CDCA7: variants seen among roughly 807,000 people sequenced by gnomAD.
CDCA7 encodes cell division cycle associated 7.
In CDCA7, 28 loss-of-function variants were observed where a neutral mutation model predicts 54.0. The observed-to-expected ratio is 0.52, with a 90% CI of 0.38 to 0.71. The LOEUF is 0.71. CDCA7 is among the 30% of genes least tolerant of loss of function. CDCA7 has a pLI of 0.00. For synonymous variants in CDCA7, 180 were observed against 208.2 expected, an observed-to-expected ratio of 0.86 and a Z score of 1.16; for missense variants, 484 against 586.0, an observed-to-expected ratio of 0.83 and a Z score of 1.80.
At chr2:173,357,929 G>C (rs772838381) in intron 1 of CDCA7, among the ~76,000 whole-genome samples, 1 of 152,120 alleles carries the variant, frequency 6.6e-6, no homozygotes, top group Admixed American at 6.5e-5. Context: ...GGCCGGGCGC[G>C]GTGGCTCACG....
rs1011903616 is a variant in CDCA7, at chr2:173,365,744, A to G, written c.1035+152A>G. On this transcript the variant is annotated intron_variant, in intron 7 of 9. Transcript: ENST00000306721. ...CACAAGGAAGGAAAAGTTTTACAGT[A>G]TCCCTGGGATTTAGCCCTCTTTCAC... 2.0e-5 allele frequency: 17 copies of G among 836,624 alleles called. No individual in the cohort carries two copies. The African/African-American group carries it at 2.6e-4, about 13-fold the overall frequency. 51.8% of individuals were successfully genotyped at this position (836,624 alleles called of 1,614,324 possible). A position where few individuals can be genotyped will look rare whatever the true frequency, so the allele number is the denominator to read the frequency against.
chr2:173,358,877 T>C (rs1453080421), intron 2 of CDCA7, 40 bp downstream of exon 2: 1 of 1,586,716 alleles, frequency 6.3e-7, no homozygotes, highest in African/African-American at 1.4e-5. Flanking sequence ...GAGTCTGCAG[T>C]GCTCAAAATG....
Position 173,368,983 on chromosome 2 carries a change from A to G in CDCA7, c.*1319A>G, listed in dbSNP as rs1185802827. 1.3e-5 allele frequency: 2 copies of G among 152,160 alleles called. No individual in the cohort carries two copies. The highest frequency in any genetic ancestry group is 2.9e-5 in the Non-Finnish European group (2 of 68,034). 9.4% of individuals were successfully genotyped at this position (152,160 alleles called of 1,614,324 possible). A position where few individuals can be genotyped will look rare whatever the true frequency, so the allele number is the denominator to read the frequency against. ...CATATTTAAATAAAAGGCCATTTCC[A>G]CCTTTTCTAAAAAAGTCTCCCTTTT... On this transcript the variant is annotated 3_prime_UTR_variant, in exon 10 of 10. Coordinates refer to ENST00000306721, the MANE Select transcript of CDCA7 (RefSeq NM_031942.5).
In CDCA7 at chr2:173,364,778, A is replaced by G. The variant is rs772539390; in HGVS notation, c.700-17A>G. 3 of 1,588,054 alleles carry G rather than the reference A, an allele frequency of 1.9e-6. No individual in the cohort carries two copies. Among genetic ancestry groups the G allele is most frequent in the Non-Finnish European group, 1.7e-6 (2 of 1,172,714 alleles). On this transcript the variant is annotated splice_polypyrimidine_tract_variant and intron_variant, in intron 5 of 9. Transcript: ENST00000306721. Reference sequence around the variant, plus strand: ...TATTATGGAATAAATGGATTCCCTTATACGTGCTTTGTTTAGCAATCAAGG... The same window carrying G: ...TATTATGGAATAAATGGATTCCCTTGTACGTGCTTTGTTTAGCAATCAAGG...
At position 173,364,855 on chromosome 2, in the gene CDCA7, C is replaced by T. The variant is rs145479884; in HGVS notation, c.760C>T (p.Arg254Trp). ...PGVASRRNPE[R>W]RARPLTRSRS... ...TGTTGCTTCCAGGAGAAACCCTGAA[C>T]GGAGAGCTCGTCCTCTTACCAGGTC... The change falls in exon 6 of 10, where the codon CGG becomes TGG. Residue 254 changes from arginine (R) to tryptophan (W), a missense_variant. Arg to Trp is a moderately radical substitution (Grantham distance 101). Transcript: ENST00000306721. 1.4e-5 allele frequency: 22 copies of T among 1,611,320 alleles called. No individual in the cohort carries two copies. The highest frequency in any genetic ancestry group is 3.3e-4 in the Middle Eastern group (2 of 6,052).
chr2:173,362,733 C>T (rs1416189046), intron 3 of CDCA7, among the ~76,000 whole-genome samples: 1 of 122,288 alleles, frequency 8.2e-6, no homozygotes, highest in Non-Finnish European at 1.7e-5. Context: ...CGCCACCATG[C>T]CCAGCTAATT....
At chr2:173,363,158 G>C in intron 3 of CDCA7, 68 bp from the exon 4 acceptor site, 1 of 1,449,220 alleles carries the variant, frequency 6.9e-7, no homozygotes, top group East Asian at 2.3e-5. Flanking sequence ...ATTGAAAAGG[G>C]ACTTTGTAGT....
intron 1 of CDCA7, among the ~76,000 whole-genome samples, chr2:173,356,806 A>G (rs1365225901): frequency 6.6e-6 from 1 of 152,142 alleles, no homozygotes; most frequent in African/African-American, 2.4e-5. Context: ...CCCTACACAT[A>G]CACCTAACCT....
intron 3 of CDCA7, among the ~76,000 whole-genome samples, chr2:173,363,020 A>G (rs534808946): frequency 3.9e-5 from 6 of 152,366 alleles, no homozygotes; most frequent in African/African-American, 1.2e-4. Context: ...AAAATAGCTT[A>G]TAACAGTGTG....
chr2:173,361,811 T>A (rs1008968588), intron 3 of CDCA7, among the ~76,000 whole-genome samples: 4 of 152,042 alleles, frequency 2.6e-5, no homozygotes, highest in Admixed American at 1.3e-4. Flanking sequence ...TGTTTTTTTT[T>A]ATTTTTATTT....
Position 173,367,488 on chromosome 2 carries a change from T to G in CDCA7, c.1323-146T>G, listed in dbSNP as rs913785505. 10 of 1,271,712 alleles carry G rather than the reference T, an allele frequency of 7.9e-6. No homozygotes were observed. The African/African-American group carries it at 1.3e-4, about 17-fold the overall frequency. 78.8% of individuals were successfully genotyped at this position (1,271,712 alleles called of 1,614,324 possible). A position where few individuals can be genotyped will look rare whatever the true frequency, so the allele number is the denominator to read the frequency against. On this transcript the variant is annotated intron_variant, in intron 9 of 9. Transcript: ENST00000306721. ...GGGTGGGTGGGTGTGTATGAAAAAG[T>G]CAGGTAATATACTTGAAGATGCGCA...
intron 1 of CDCA7, among the ~76,000 whole-genome samples, chr2:173,357,452 G>C (rs148474810): frequency 6.6e-6 from 1 of 152,294 alleles, no homozygotes; most frequent in Non-Finnish European, 1.5e-5. Context: ...TTGGCTCCTT[G>C]TACCATTTGT....
intron 3 of CDCA7, among the ~76,000 whole-genome samples, chr2:173,362,435 G>A (rs1241396851): frequency 6.6e-6 from 1 of 151,974 alleles, no homozygotes; most frequent in Non-Finnish European, 1.5e-5. Context: ...CCATTGACTT[G>A]TATACTTAGA....
chr2:173,365,359 CTG>C (rs1686700399), intron 6 of CDCA7, 91 bp from the exon 7 acceptor site: 7 of 1,389,066 alleles, frequency 5.0e-6, no homozygotes, highest in Middle Eastern at 1.9e-4. Context: ...TTTTGAATCT[CTG>C]TGTTTCATAT....
In CDCA7 at chr2:173,366,261, T is replaced by TC; in HGVS notation, c.1036-22_1036-21insC. The TC allele has an allele frequency of 6.3e-7, 1 of 1,582,042 alleles. No homozygotes were observed. The highest frequency in any genetic ancestry group is 8.6e-7 in the Non-Finnish European group (1 of 1,166,504). Reference sequence around the variant, plus strand: ...AAAAACAGTGGTTTTTTTTGTTTTTTTTCTTAATGGCTTATTTGTAGGGCT... The same window carrying TC: ...AAAAACAGTGGTTTTTTTTGTTTTTTCTTCTTAATGGCTTATTTGTAGGGCT... On this transcript the variant is annotated intron_variant, in intron 7 of 9. Coordinates refer to ENST00000306721, the MANE Select transcript of CDCA7 (RefSeq NM_031942.5). This position sits in a 1 kb window ranked among gnomAD's most constrained non-coding sequence, Gnocchi z 4.5.
intron 1 of CDCA7, among the ~76,000 whole-genome samples, chr2:173,357,594 A>G (rs1357956420): frequency 6.6e-6 from 1 of 152,204 alleles, no homozygotes; most frequent in Non-Finnish European, 1.5e-5. Context: ...TAGTTTGTGA[A>G]ATTAGCATCA....
chr2:173,361,244 C>T (rs1006628599), intron 3 of CDCA7, among the ~76,000 whole-genome samples: 1 of 152,140 alleles, frequency 6.6e-6, no homozygotes, highest in Non-Finnish European at 1.5e-5. Flanking sequence ...AATAATGCTA[C>T]TGTGAACATT....
rs1383493482 is a variant in CDCA7 at position 173,363,893 on chromosome 2, T to A, written c.697T>A (p.Ser233Thr). The change falls in exon 5 of 10, where the codon TCA (serine) becomes ACA (threonine). Residue 233 changes from serine to threonine, a missense_variant and splice_region_variant. This residue lies in a region of CDCA7 where 398 missense variants were observed against 447.4 expected (regional missense o/e 0.89). Coordinates refer to ENST00000306721, the MANE Select transcript of CDCA7 (RefSeq NM_031942.5). ...AAGACATCCCCTCCCAGGCTCCGACTCAGTAAGTACCAGTTCTTGTTTATA... is the reference window on the plus strand; with the variant it reads ...AAGACATCCCCTCCCAGGCTCCGACACAGTAAGTACCAGTTCTTGTTTATA... ...RGRHPLPGSD[S>T]QSRRPRRRTF... is the part of the protein sequence containing the mutation. 6.2e-7 allele frequency: 1 copy of A among 1,614,066 alleles called. No homozygotes were observed. The highest frequency in any genetic ancestry group is 1.1e-5 in the South Asian group (1 of 91,072).
rs1438909789 is a variant in CDCA7, at chr2:173,363,340, A to C, written c.499A>C (p.Lys167Gln). ...ARSTRGATNK[K>Q]AESRQPSENS... ...GAGTACCAGGGGAGCAACCAACAAAAAAGCAGAGTCCCGCCAGCCCTCAGA... is the reference window on the plus strand; with the variant it reads ...GAGTACCAGGGGAGCAACCAACAAACAAGCAGAGTCCCGCCAGCCCTCAGA... The change falls in exon 4 of 10, where the codon AAA becomes CAA. Residue 167 changes from lysine to glutamine, a missense_variant. Coordinates refer to ENST00000306721, the MANE Select transcript of CDCA7 (RefSeq NM_031942.5). 6.2e-7 allele frequency: 1 copy of C among 1,614,190 alleles called. No individual in the cohort carries two copies. The highest frequency in any genetic ancestry group is 1.1e-5 in the South Asian group (1 of 91,086).
Sources: allele counts gnomAD v4.1 joint callset (sites outside exome capture counted in the v4.1 genomes callset), GRCh38; gene constraint gnomAD v4.1.1; regional missense constraint gnomAD v4.1.1; non-coding constraint Gnocchi (gnomAD v3.1); transcripts MANE v1.5; gene names NCBI Gene and HGNC (gene_info 2026-07-23, HGNC 2026-07-21).